Variants in CREM observed in about 807,000 individuals in gnomAD.
CREM encodes cAMP-responsive element modulator.
A neutral mutation model predicts 37.3 loss-of-function variants in CREM; 13 were observed. That is an observed-to-expected ratio of 0.35 (90% CI 0.23 to 0.55). The LOEUF (loss-of-function observed/expected upper bound fraction) is 0.55. Ranked by LOEUF, CREM falls within the 20% of genes least tolerant of loss-of-function variation. The pLI is 0.88. For synonymous variants in CREM, 124 were observed against 120.2 expected, an observed-to-expected ratio of 1.03 and a Z score of -0.21; for missense variants, 296 against 362.3, an observed-to-expected ratio of 0.82 and a Z score of 1.49.
At chr10:35,179,614 A>G in intron 5 of CREM, 1 of 230,198 alleles carries the variant, frequency 4.3e-6, no homozygotes, top group Non-Finnish European at 8.3e-6. Context: ...TCTGTATTTC[A>G]TTCTTGTTGG....
intron 1 of CREM, among the ~76,000 whole-genome samples, chr10:35,130,118 C>A (rs1366122879): frequency 6.6e-6 from 1 of 151,330 alleles, no homozygotes; most frequent in African/African-American, 2.4e-5. Flanking sequence ...ATTGCTTGAA[C>A]CCCGGAGGCG....
rs985682638 is a variant in CREM at position 35,211,465 on chromosome 10, A to G, written c.*67A>G. On this transcript the variant is annotated 3_prime_UTR_variant, in exon 8 of 8. Coordinates refer to ENST00000685392, the MANE Select transcript of CREM (RefSeq NM_183011.2). Reference sequence around the variant, plus strand: ...AGATGCAGCAGTCCTACTTATTGCCATGTGGACTTGTGGGAAGGACACGTG... The same window carrying G: ...AGATGCAGCAGTCCTACTTATTGCCGTGTGGACTTGTGGGAAGGACACGTG... 1.1e-5 allele frequency: 17 copies of G among 1,565,326 alleles called. No homozygotes were observed. The highest frequency in any genetic ancestry group is 9.5e-5 in the African/African-American group (7 of 73,436).
chr10:35,206,982 G>A lies in CREM; in HGVS notation c.686G>A (p.Ser229Asn). The A allele has an allele frequency of 6.2e-7, 1 of 1,614,128 alleles. No homozygotes were observed. Among genetic ancestry groups the A allele is most frequent in the Admixed American group, 1.7e-5 (1 of 60,034 alleles). ...GTGGTGATGGCTGCATCGCCCGGAA[G>A]TTTGCACAGTCCCCAGCAGCTGGCA... ...QGVVMAASPG[S>N]LHSPQQLAEE... The change falls in exon 7 of 8, where the codon AGT (serine) becomes AAT (asparagine). Residue 229 changes from serine (S) to asparagine (N), a missense_variant. Around this residue, in one of 2 missense-constraint regions of CREM, gnomAD observed 257 missense variants for 280.2 expected, o/e 0.92. Coordinates refer to ENST00000685392, the MANE Select transcript of CREM (RefSeq NM_183011.2).
intron 5 of CREM, among the ~76,000 whole-genome samples, chr10:35,181,952 A>C (rs776992454): frequency 4.6e-5 from 7 of 152,180 alleles, no homozygotes; most frequent in Non-Finnish European, 5.9e-5. Context: ...TTGGTTTCTT[A>C]ATTTGAGTCT....
chr10:35,211,972 T>C lies in CREM; in HGVS notation c.*574T>C. The C allele has an allele frequency of 1.7e-6, 1 of 574,296 alleles. No homozygotes were observed. Among genetic ancestry groups the C allele is most frequent in the South Asian group, 5.0e-5 (1 of 20,008 alleles). The allele number at this position is 574,296 out of a possible 1,614,324, so 35.6% of individuals were successfully genotyped here. A position where few individuals can be genotyped will look rare whatever the true frequency, so the allele number is the denominator to read the frequency against. ...TACGTAGTTAAGTCGTAGCTATAAC[T>C]TCAAATTTTTTAAAAGAGACAAACT... On this transcript the variant is annotated 3_prime_UTR_variant, in exon 8 of 8. Transcript: ENST00000685392.
chr10:35,201,927 A>G (rs982815967), intron 6 of CREM, among the ~76,000 whole-genome samples: 1 of 152,166 alleles, frequency 6.6e-6, no homozygotes. Context: ...AACCCGAGGA[A>G]GTTCAAATTT....
At chr10:35,174,707 T>C (rs1406293332) in intron 3 of CREM, among the ~76,000 whole-genome samples, 4 of 152,228 alleles carry the variant, frequency 2.6e-5, no homozygotes, top group African/African-American at 4.8e-5. Flanking sequence ...TGGTGAATCT[T>C]AGTAAAATGA....
intron 3 of CREM, among the ~76,000 whole-genome samples, chr10:35,149,439 G>A (rs1339973916): frequency 6.6e-6 from 1 of 152,070 alleles, no homozygotes; most frequent in Non-Finnish European, 1.5e-5. Context: ...AGGGTTTAGA[G>A]TACACTGTAC....
At chr10:35,188,459 TA>T in intron 6 of CREM, 71 bp downstream of exon 6, 1 of 1,353,598 alleles carries the variant, frequency 7.4e-7, no homozygotes, top group Non-Finnish European at 9.8e-7. Context: ...GTGGTGATTT[TA>T]TAGTTTTTTG....
At chr10:35,150,760 G>T (rs1262949980) in intron 3 of CREM, among the ~76,000 whole-genome samples, 1 of 152,174 alleles carries the variant, frequency 6.6e-6, no homozygotes, top group Non-Finnish European at 1.5e-5. Context: ...GGCTGAGGTT[G>T]CAGTGAGCCA....
At chr10:35,194,394 T>G (rs945547350) in intron 6 of CREM, among the ~76,000 whole-genome samples, 7 of 152,134 alleles carry the variant, frequency 4.6e-5, no homozygotes, top group Non-Finnish European at 1.0e-4. Flanking sequence ...TTTCAGGGGG[T>G]TTTAATCTGG....
intron 3 of CREM, among the ~76,000 whole-genome samples, chr10:35,174,622 G>C (rs766287085): frequency 1.8e-4 from 27 of 152,100 alleles, no homozygotes; most frequent in Non-Finnish European, 1.8e-4. Context: ...TAGATGCTGT[G>C]GTTCTACTAC....
intron 3 of CREM, among the ~76,000 whole-genome samples, chr10:35,173,964 A>T (rs1482365054): frequency 6.6e-6 from 1 of 152,238 alleles, no homozygotes; most frequent in East Asian, 1.9e-4. Flanking sequence ...TATAATTCAT[A>T]CAGAGTTGCC....
At chr10:35,183,230 A>G in intron 5 of CREM, among the ~76,000 whole-genome samples, 1 of 152,094 alleles carries the variant, frequency 6.6e-6, no homozygotes, top group Admixed American at 6.5e-5. Flanking sequence ...CATGAAAGGT[A>G]AGTGGGTCAA....
intron 2 of CREM, among the ~76,000 whole-genome samples, chr10:35,144,000 T>C (rs1490298023): frequency 1.3e-5 from 2 of 152,166 alleles, no homozygotes; most frequent in African/African-American, 4.8e-5. Flanking sequence ...GGAAGGAGCT[T>C]ATATCTTAGT....
intron 6 of CREM, among the ~76,000 whole-genome samples, chr10:35,197,822 T>C (rs539967806): frequency 3.6e-4 from 55 of 152,312 alleles, no homozygotes; most frequent in African/African-American, 1.3e-3. Context: ...GAAGGTGTAG[T>C]AGAGTAGCTT....
chr10:35,135,760 A>C (rs2135539664), intron 1 of CREM, among the ~76,000 whole-genome samples: 1 of 151,930 alleles, frequency 6.6e-6, no homozygotes, highest in South Asian at 2.1e-4. Flanking sequence ...CATTAAAAAA[A>C]AATGAGACAA....
chr10:35,192,077 TG>T (rs2094941261), intron 6 of CREM, among the ~76,000 whole-genome samples: 4 of 152,104 alleles, frequency 2.6e-5, no homozygotes, highest in Admixed American at 1.3e-4. Context: ...GGCCCTGGCC[TG>T]GGTGCTATCC....
intron 3 of CREM, among the ~76,000 whole-genome samples, chr10:35,162,870 G>A (rs546351715): frequency 1.6e-4 from 25 of 151,962 alleles, no homozygotes; most frequent in South Asian, 6.2e-4. Context: ...CACTTTCTTC[G>A]GGCACCAGCA....
Sources: gnomAD v4.1 joint callset for allele counts (sites outside exome capture counted in the v4.1 genomes callset) on GRCh38, gnomAD v4.1.1 for gene constraint, gnomAD v4.1.1 regional missense constraint, MANE v1.5 for transcripts, NCBI Gene and HGNC (gene_info 2026-07-23, HGNC 2026-07-21) for gene names.